Variants in LHFPL3 observed in about 807,000 individuals in gnomAD.
LHFPL3 encodes the protein LHFPL tetraspan subfamily member 3 protein.
In LHFPL3, 5 loss-of-function variants were observed where a neutral mutation model predicts 19.3. The ratio of observed to expected loss-of-function variants is 0.26; its 90% CI spans 0.14 to 0.54. The LOEUF (loss-of-function observed/expected upper bound fraction) is 0.54. Among genes scored for constraint, LHFPL3 ranks in the 20% least tolerant of loss-of-function variants. LHFPL3 has a pLI of 0.94. For missense variants in LHFPL3, 249 were observed against 307.4 expected, an observed-to-expected ratio of 0.81 and a Z score of 1.42; for synonymous variants, 133 against 126.2, an observed-to-expected ratio of 1.05 and a Z score of -0.36.
intron 1 of LHFPL3, among the ~76,000 whole-genome samples, chr7:104,606,655 A>T (rs1791108515): frequency 6.6e-6 from 1 of 152,160 alleles, no homozygotes; most frequent in African/African-American, 2.4e-5. Context: ...AGAAAAAATC[A>T]ATCCACTGAA....
intron 1 of LHFPL3, among the ~76,000 whole-genome samples, chr7:104,430,398 A>ATG (rs1791951562): frequency 1.1e-4 from 4 of 35,924 alleles, no homozygotes; most frequent in African/African-American, 2.4e-4. Flanking sequence ...ATATATATAT[A>ATG]TATATACATA....
intron 1 of LHFPL3, among the ~76,000 whole-genome samples, chr7:104,380,730 C>G (rs184098358): frequency 5.4e-4 from 82 of 152,152 alleles, no homozygotes; most frequent in African/African-American, 1.9e-3. Flanking sequence ...AATTCTAAAG[C>G]ATAGATGCAA....
rs547620148 is a variant in LHFPL3 at position 104,411,764 on chromosome 7, G to T, written c.445+82540G>T. On this transcript the variant is annotated intron_variant, in intron 1 of 2. Coordinates refer to ENST00000424859, the MANE Select transcript of LHFPL3 (RefSeq NM_199000.3). ...AGGGTAGTATTGAAAATAAGCCAAA[G>T]AAATATGTTCGCTTTAGAAGTAATA... is the stretch of plus-strand genomic sequence containing the variant. Among the ~76,000 whole-genome samples the T allele has an allele frequency of 1.5e-4, 23 of 152,194 alleles. No individual in the cohort carries two copies. The South Asian group carries it at 4.8e-3, about 32-fold the overall frequency.
intron 2 of LHFPL3, among the ~76,000 whole-genome samples, chr7:104,745,483 T>A (rs1407805130): frequency 6.6e-6 from 1 of 152,208 alleles, no homozygotes; most frequent in Non-Finnish European, 1.5e-5. Context: ...ATAGTATGTT[T>A]CAAAAATGAA....
intron 2 of LHFPL3, among the ~76,000 whole-genome samples, chr7:104,901,829 G>A (rs991830403): frequency 2.0e-5 from 3 of 151,898 alleles, no homozygotes; most frequent in Admixed American, 6.6e-5. Flanking sequence ...TTAGCCTCCC[G>A]AAGTGCTGGG....
intron 1 of LHFPL3, among the ~76,000 whole-genome samples, chr7:104,583,599 C>CAAACAAATTTACAAGA (rs1422639904): frequency 6.6e-6 from 1 of 152,042 alleles, no homozygotes; most frequent in African/African-American, 2.4e-5. Flanking sequence ...ACGAAGAACC[C>CAAACAAATTTACAAGA]AAACAAATTT....
intron 2 of LHFPL3, among the ~76,000 whole-genome samples, chr7:104,761,675 T>C (rs975203828): frequency 6.6e-6 from 1 of 152,216 alleles, no homozygotes; most frequent in Non-Finnish European, 1.5e-5. Context: ...ATCCCTTCAT[T>C]TGATTTGACT....
intron 1 of LHFPL3, among the ~76,000 whole-genome samples, chr7:104,341,107 T>G (rs927194727): frequency 6.6e-6 from 1 of 152,188 alleles, no homozygotes; most frequent in Non-Finnish European, 1.5e-5. Flanking sequence ...AAATTAGAAA[T>G]AGCATTTTCC....
At chr7:104,652,622 A>G (rs1040030070) in intron 1 of LHFPL3, among the ~76,000 whole-genome samples, 2 of 152,092 alleles carry the variant, frequency 1.3e-5, no homozygotes, top group Non-Finnish European at 2.9e-5. Context: ...ACTAGGAGTC[A>G]GTGGGGATTT....
At chr7:104,453,760 T>C (rs940899762) in intron 1 of LHFPL3, among the ~76,000 whole-genome samples, 1 of 152,046 alleles carries the variant, frequency 6.6e-6, no homozygotes, top group African/African-American at 2.4e-5. Flanking sequence ...AAGTAAGCTG[T>C]CACTCTGAGT....
At chr7:104,532,318 C>CTTTTTTT (rs71155504) in intron 1 of LHFPL3, among the ~76,000 whole-genome samples, 143 of 87,198 alleles carry the variant, frequency 1.6e-3, no homozygotes, top group Non-Finnish European at 2.0e-3. Flanking sequence ...TTCTTTCTGT[C>CTTTTTTT]TTTTTTTTTT....
chr7:104,393,386 TA>T lies in LHFPL3; in HGVS notation c.445+64173del, dbSNP rs200656860. Among the ~76,000 whole-genome samples the T allele has an allele frequency of 6.9e-3, 1,015 of 146,338 alleles. 3 individuals carry two copies. Among genetic ancestry groups the T allele is most frequent in the African/African-American group, 0.021 (839 of 40,016 alleles). The stretch of plus-strand genomic sequence containing the variant: ...ATGAAGATCCATAATAACCACAAAG[TA>T]AAAAAAAAAATTATGTTCATCAATG... On this transcript the variant is annotated intron_variant, in intron 1 of 2. Coordinates refer to ENST00000424859, the MANE Select transcript of LHFPL3 (RefSeq NM_199000.3).
chr7:104,652,746 T>C (rs1792054633), intron 1 of LHFPL3, among the ~76,000 whole-genome samples: 1 of 152,014 alleles, frequency 6.6e-6, no homozygotes, highest in African/African-American at 2.4e-5. Flanking sequence ...AGGCACTAGT[T>C]AAAGGCAGGA....
chr7:104,645,020 T>G (rs771526844), intron 1 of LHFPL3, among the ~76,000 whole-genome samples: 38 of 152,200 alleles, frequency 2.5e-4, no homozygotes, highest in Non-Finnish European at 4.3e-4. Flanking sequence ...GATCTTTCTA[T>G]AAAAATGTTC....
intron 1 of LHFPL3, among the ~76,000 whole-genome samples, chr7:104,613,731 T>A (rs1341705296): frequency 2.0e-5 from 3 of 152,094 alleles, no homozygotes; most frequent in African/African-American, 4.8e-5. Flanking sequence ...CAAACTAGAT[T>A]AAGGTGGTCA....
At chr7:104,770,234 G>A (rs1584524854) in intron 2 of LHFPL3, among the ~76,000 whole-genome samples, 1 of 152,014 alleles carries the variant, frequency 6.6e-6, no homozygotes, top group South Asian at 2.1e-4. Context: ...GCCATGGAGG[G>A]ATGTATTATA....
At chr7:104,393,726 A>T (rs1791126636) in intron 1 of LHFPL3, among the ~76,000 whole-genome samples, 1 of 152,210 alleles carries the variant, frequency 6.6e-6, no homozygotes, top group Non-Finnish European at 1.5e-5. Context: ...AAAAAAAGAA[A>T]AAAAATCATA....
At chr7:104,729,659 A>G (rs1053247236) in intron 1 of LHFPL3, among the ~76,000 whole-genome samples, 1 of 152,062 alleles carries the variant, frequency 6.6e-6, no homozygotes, top group African/African-American at 2.4e-5. Context: ...ACTTAACATC[A>G]TGTTCTCCAG....
chr7:104,575,714 C>T (rs13437788), intron 1 of LHFPL3, among the ~76,000 whole-genome samples: 4,611 of 151,974 alleles, frequency 0.03, 241 homozygotes, highest in African/African-American at 0.11. Context: ...GGCTCCATCA[C>T]GGCTCACTGC....
Sources: allele counts gnomAD v4.1 joint callset (sites outside exome capture counted in the v4.1 genomes callset), GRCh38; gene constraint gnomAD v4.1.1; transcripts MANE v1.5; gene names NCBI Gene and HGNC (gene_info 2026-07-23, HGNC 2026-07-21).